MAPK10: variants seen among roughly 807,000 people sequenced by gnomAD.
MAPK10 encodes the protein JNK3 alpha protein kinase.
Under a neutral mutation model 59.3 loss-of-function variants are expected in MAPK10, and 25 were observed. The observed-to-expected ratio is 0.42, with a 90% CI of 0.31 to 0.59. The LOEUF (loss-of-function observed/expected upper bound fraction) is 0.59. Ranked by LOEUF, MAPK10 falls within the 20% of genes least tolerant of loss-of-function variation. MAPK10 has a pLI of 0.15. For synonymous variants in MAPK10, 190 were observed against 200.5 expected (o/e 0.95, Z 0.44); for missense variants, 351 against 568.9 (o/e 0.62, Z 3.90).
chr4:86,194,502 G>C, intron 2 of MAPK10, 95 bp from the exon 3 acceptor site: 1 of 757,160 alleles, frequency 1.3e-6, no homozygotes, highest in South Asian at 1.5e-5. Context: ...TATATGCAAA[G>C]TACCATGCAC....
At chr4:86,204,653 T>C (rs1442882242) in intron 2 of MAPK10, among the ~76,000 whole-genome samples, 1 of 152,024 alleles carries the variant, frequency 6.6e-6, no homozygotes, top group Admixed American at 6.6e-5. Context: ...AATCCAGCCA[T>C]GTTTAAGGAC....
intron 1 of MAPK10, among the ~76,000 whole-genome samples, chr4:86,567,835 T>C (rs866066266): frequency 1.3e-5 from 2 of 152,246 alleles, no homozygotes; most frequent in Non-Finnish European, 2.9e-5. Flanking sequence ...CTCAAGAAGA[T>C]AGCATAAAGG....
chr4:86,517,754 G>T (rs377714488), intron 1 of MAPK10, among the ~76,000 whole-genome samples: 1 of 152,034 alleles, frequency 6.6e-6, no homozygotes, highest in African/African-American at 2.4e-5. Flanking sequence ...GCCTCTATCT[G>T]TATCTATTTA....
At chr4:86,039,367 T>C (rs1349017720) in intron 11 of MAPK10, among the ~76,000 whole-genome samples, 4 of 152,094 alleles carry the variant, frequency 2.6e-5, no homozygotes, top group Admixed American at 1.3e-4. Context: ...CTCCACATGA[T>C]GGTAGGAGAA....
chr4:86,449,638 A>G (rs556151713), intron 1 of MAPK10, among the ~76,000 whole-genome samples: 2 of 152,318 alleles, frequency 1.3e-5, no homozygotes, highest in South Asian at 2.1e-4. Context: ...AGTCTCCTTC[A>G]ATGTGGAGGA....
intron 1 of MAPK10, among the ~76,000 whole-genome samples, chr4:86,512,566 T>C (rs1756361057): frequency 6.6e-6 from 1 of 152,164 alleles, no homozygotes; most frequent in African/African-American, 2.4e-5. Flanking sequence ...AATATAGAGA[T>C]AAAAACTTAT....
intron 1 of MAPK10, among the ~76,000 whole-genome samples, chr4:86,562,255 G>T (rs1312697461): frequency 6.6e-6 from 1 of 152,044 alleles, no homozygotes; most frequent in African/African-American, 2.4e-5. Context: ...CTCCAGCCTG[G>T]GTGACAGAGC....
chr4:86,550,407 A>AC (rs1759683085), intron 1 of MAPK10, among the ~76,000 whole-genome samples: 1 of 132,730 alleles, frequency 7.5e-6, no homozygotes, highest in South Asian at 2.5e-4. Context: ...AAAAAAAAAA[A>AC]AAAACTCCAG....
intron 1 of MAPK10, among the ~76,000 whole-genome samples, chr4:86,391,377 T>C (rs966852810): frequency 6.6e-5 from 10 of 152,228 alleles, no homozygotes; most frequent in African/African-American, 2.4e-4. Context: ...TACCTTGTGG[T>C]CATACAAGTC....
intron 1 of MAPK10, among the ~76,000 whole-genome samples, chr4:86,551,917 T>C (rs1759821724): frequency 2.6e-5 from 4 of 152,210 alleles, no homozygotes; most frequent in African/African-American, 9.6e-5. Flanking sequence ...GAGTTTTCTT[T>C]TTCCTAAATA....
intron 2 of MAPK10, among the ~76,000 whole-genome samples, chr4:86,335,395 T>G (rs1415316485): frequency 6.6e-6 from 1 of 152,216 alleles, no homozygotes; most frequent in Non-Finnish European, 1.5e-5. Flanking sequence ...AAATTTAAAA[T>G]CTGTCTGTAA....
chr4:86,508,934 C>T (rs1273694861), intron 1 of MAPK10, among the ~76,000 whole-genome samples: 1 of 152,086 alleles, frequency 6.6e-6, no homozygotes, highest in Non-Finnish European at 1.5e-5. Flanking sequence ...AAATTAATGG[C>T]CATCATGAAT....
At chr4:86,122,049 C>CT (rs1009490514) in intron 4 of MAPK10, among the ~76,000 whole-genome samples, 5 of 151,752 alleles carry the variant, frequency 3.3e-5, no homozygotes, top group African/African-American at 9.7e-5. Context: ...TTAATACAGT[C>CT]TTTTTTTTGG....
At chr4:86,477,400 G>A (rs560623755) in intron 1 of MAPK10, among the ~76,000 whole-genome samples, 69 of 152,146 alleles carry the variant, frequency 4.5e-4, no homozygotes, top group African/African-American at 1.5e-3. Flanking sequence ...CTGGGCTACA[G>A]CCACACCTCA....
rs74431721 is a variant in MAPK10 at position 86,156,490 on chromosome 4, A to G, written c.236+2808T>C. ...GTAACACCACCAAGACAGAAATAAT[A>G]TGGCTTCACTTCCTTTCATTTAAAA... On this transcript the variant is annotated intron_variant, in intron 4 of 13. Coordinates refer to ENST00000641462, the MANE Select transcript of MAPK10 (RefSeq NM_138982.4). Among the ~76,000 whole-genome samples the G allele has an allele frequency of 2.9e-3, 444 of 152,202 alleles. 4 individuals are homozygous for G. The highest frequency in any genetic ancestry group is 0.01 in the African/African-American group (433 of 41,556).
At chr4:86,089,205 C>T (rs950050734) in intron 9 of MAPK10, 8 of 1,608,502 alleles carry the variant, frequency 5.0e-6, no homozygotes, top group Admixed American at 1.7e-5. Context: ...AAGAAGGATA[C>T]GATCAGTGCC....
chr4:86,163,579 T>C (rs2070589854), intron 3 of MAPK10, among the ~76,000 whole-genome samples: 1 of 152,128 alleles, frequency 6.6e-6, no homozygotes, highest in South Asian at 2.1e-4. Flanking sequence ...AGCCAATACT[T>C]GGTCTACAGC....
At chr4:86,502,354 A>G (rs1029298550) in intron 1 of MAPK10, among the ~76,000 whole-genome samples, 5 of 152,082 alleles carry the variant, frequency 3.3e-5, no homozygotes, top group African/African-American at 1.2e-4. Context: ...ATTCTAAAGA[A>G]GCTTAACATT....
At chr4:86,172,275 G>A (rs371955073) in intron 3 of MAPK10, among the ~76,000 whole-genome samples, 4,026 of 143,182 alleles carry the variant, frequency 0.028, 87 homozygotes, top group South Asian at 0.037. Flanking sequence ...ACATGCACAC[G>A]TATGTTTATT....
Sources: gnomAD v4.1 joint callset for allele counts (sites outside exome capture counted in the v4.1 genomes callset) on GRCh38, gnomAD v4.1.1 for gene constraint, MANE v1.5 for transcripts, NCBI Gene and HGNC (gene_info 2026-07-23, HGNC 2026-07-21) for gene names.